DCDC1: variants seen among roughly 807,000 people sequenced by gnomAD.
DCDC1 encodes the protein doublecortin domain-containing protein 1.
A neutral mutation model predicts 178.3 loss-of-function variants in DCDC1; 200 were observed. That is an observed-to-expected ratio of 1.12 (90% CI 1.00 to 1.26). The LOEUF is 1.26. DCDC1 is among the 50% of genes most tolerant of loss of function. The probability of loss-of-function intolerance (pLI) is 0.00; values close to 1 mark genes in which losing one functional copy is unlikely to be tolerated. For synonymous variants in DCDC1, 690 were observed against 604.8 expected (o/e 1.14, Z -2.07); for missense variants, 1,983 against 1,749.2 (o/e 1.13, Z -2.38).
chr11:31,176,014 C>T (rs1967964627), intron 9 of DCDC1, among the ~76,000 whole-genome samples: 1 of 152,052 alleles, frequency 6.6e-6, no homozygotes, highest in African/African-American at 2.4e-5. Context: ...AATGTGATAT[C>T]CCCAAAAGAA....
chr11:31,271,998 C>A (rs1041008366), intron 7 of DCDC1, among the ~76,000 whole-genome samples: 1 of 152,032 alleles, frequency 6.6e-6, no homozygotes, highest in African/African-American at 2.4e-5. Context: ...CCCATCTCTA[C>A]TAAAAATACA....
chr11:30,887,121 T>C (rs1943245885), intron 36 of DCDC1, among the ~76,000 whole-genome samples: 2 of 152,156 alleles, frequency 1.3e-5, no homozygotes, highest in South Asian at 2.1e-4. Flanking sequence ...ATTTTCTCTG[T>C]TGTAACTAAT....
chr11:31,053,437 C>T (rs576819526), intron 20 of DCDC1, among the ~76,000 whole-genome samples: 225 of 152,208 alleles, frequency 1.5e-3, no homozygotes, highest in African/African-American at 5.3e-3. Flanking sequence ...TGACACTATT[C>T]CACAAGATGG....
chr11:30,987,919 C>T (rs1950746270), intron 20 of DCDC1, among the ~76,000 whole-genome samples: 1 of 152,020 alleles, frequency 6.6e-6, no homozygotes, highest in South Asian at 2.1e-4. Flanking sequence ...ATTGGATGCC[C>T]CTGCTGTAGA....
chr11:30,931,123 A>G (rs538284791), intron 22 of DCDC1, among the ~76,000 whole-genome samples: 11 of 152,236 alleles, frequency 7.2e-5, no homozygotes, highest in African/African-American at 2.6e-4. Context: ...CATTCTTTAC[A>G]TCAGAGCTCT....
intron 9 of DCDC1, among the ~76,000 whole-genome samples, chr11:31,202,817 G>A (rs1183689810): frequency 2.0e-5 from 3 of 152,074 alleles, no homozygotes; most frequent in African/African-American, 7.2e-5. Context: ...GTTCAGTGAA[G>A]GCATTTCCCA....
intron 1 of DCDC1, among the ~76,000 whole-genome samples, chr11:31,355,575 T>C (rs1437981423): frequency 6.6e-6 from 1 of 152,158 alleles, no homozygotes; most frequent in East Asian, 1.9e-4. Context: ...TTTTTCTTTT[T>C]TCTTTTTTTT....
In DCDC1 at chr11:30,864,965, TA is replaced by T. The variant is rs1251454352; in HGVS notation, c.*407del. The stretch of plus-strand genomic sequence containing the variant: ...TATTTTGAAGGATAAATTTATTTTT[TA>T]TTTTTTATTTTTTGCAGAGGCCTCC... On this transcript the variant is annotated 3_prime_UTR_variant, in exon 39 of 39. Transcript: ENST00000684477. 1 of 152,200 alleles carries T rather than the reference TA, an allele frequency of 6.6e-6. No homozygotes were observed. Among genetic ancestry groups the T allele is most frequent in the Non-Finnish European group, 1.5e-5 (1 of 68,036 alleles). The allele number at this position is 152,200 out of a possible 1,614,324, so 9.4% of individuals were successfully genotyped here.
chr11:31,326,879 G>C (rs1053671306), intron 3 of DCDC1, among the ~76,000 whole-genome samples: 8 of 151,956 alleles, frequency 5.3e-5, no homozygotes, highest in African/African-American at 1.9e-4. Context: ...ATAAAGACTA[G>C]GGCATCACAC....
At chr11:31,105,686 T>A (rs1958800592) in intron 13 of DCDC1, among the ~76,000 whole-genome samples, 1 of 152,110 alleles carries the variant, frequency 6.6e-6, no homozygotes, top group Non-Finnish European at 1.5e-5. Flanking sequence ...TCAAGCATTT[T>A]AATATTTCAT....
At chr11:31,158,992 A>C (rs1278662218) in intron 9 of DCDC1, among the ~76,000 whole-genome samples, 2 of 152,130 alleles carry the variant, frequency 1.3e-5, no homozygotes, top group Non-Finnish European at 2.9e-5. Context: ...CAATAATATA[A>C]ATTGGATGTA....
intron 20 of DCDC1, among the ~76,000 whole-genome samples, chr11:31,008,551 A>G (rs1284851963): frequency 6.6e-6 from 1 of 152,162 alleles, no homozygotes; most frequent in Non-Finnish European, 1.5e-5. Flanking sequence ...ATTCGTTGTT[A>G]TATCTCTCAT....
chr11:31,219,648 T>C (rs771646503), intron 9 of DCDC1, among the ~76,000 whole-genome samples: 7 of 152,118 alleles, frequency 4.6e-5, no homozygotes, highest in Non-Finnish European at 1.0e-4. Flanking sequence ...TATCAACAAA[T>C]ATACCAACTA....
At chr11:31,131,235 G>A (rs1197996201) in intron 10 of DCDC1, among the ~76,000 whole-genome samples, 1 of 150,536 alleles carries the variant, frequency 6.6e-6, no homozygotes, top group Non-Finnish European at 1.5e-5. Flanking sequence ...AAAAAGAAAA[G>A]AAAAGGAAGG....
chr11:31,171,888 T>C (rs1024244017), intron 9 of DCDC1, among the ~76,000 whole-genome samples: 19 of 152,234 alleles, frequency 1.2e-4, no homozygotes, highest in Admixed American at 2.0e-4. Context: ...CAAGGTAAGC[T>C]TATAGACATT....
chr11:30,896,473 G>T (rs929648815), intron 34 of DCDC1, among the ~76,000 whole-genome samples: 2 of 151,958 alleles, frequency 1.3e-5, no homozygotes, highest in Admixed American at 6.5e-5. Context: ...GATGAGTCTT[G>T]CCCGGACAGC....
chr11:31,134,474 T>C (rs1271732314), intron 10 of DCDC1, among the ~76,000 whole-genome samples: 1 of 152,176 alleles, frequency 6.6e-6, no homozygotes, highest in African/African-American at 2.4e-5. Flanking sequence ...TTCACAGTGG[T>C]CCAGGATGTT....
At chr11:31,236,560 G>T (rs1976489555) in intron 9 of DCDC1, among the ~76,000 whole-genome samples, 1 of 151,696 alleles carries the variant, frequency 6.6e-6, no homozygotes, top group Non-Finnish European at 1.5e-5. Flanking sequence ...CTGATGTTAG[G>T]CCTGCTCAAA....
rs1318235545 is a variant in DCDC1 at position 31,023,781 on chromosome 11, A to G, written c.2591+40688T>C. On this transcript the variant is annotated intron_variant, in intron 20 of 38. Transcript: ENST00000684477. ...TAACCGAGAATTCACATAAAGAAAAATATAATTAGAAAAACAGATTACATG... is the reference window on the plus strand; with the variant it reads ...TAACCGAGAATTCACATAAAGAAAAGTATAATTAGAAAAACAGATTACATG... 4.6e-5 allele frequency among the ~76,000 whole-genome samples: 7 copies of G among 152,188 alleles called. No homozygotes were observed. The South Asian group carries it at 1.5e-3, about 32-fold the overall frequency.
Sources: allele counts gnomAD v4.1 joint callset (sites outside exome capture counted in the v4.1 genomes callset), GRCh38; gene constraint gnomAD v4.1.1; transcripts MANE v1.5; gene names NCBI Gene and HGNC (gene_info 2026-07-23, HGNC 2026-07-21).